The following SNCAIP variants were observed in gnomAD, a reference collection of about 807,000 sequenced individuals.
The protein encoded by SNCAIP is synuclein alpha interacting protein, also known as synphilin-1.
SNCAIP carries 43 observed loss-of-function variants against 86.7 expected under a neutral mutation model. The observed-to-expected ratio is 0.50, with a 90% CI of 0.39 to 0.64. The LOEUF (loss-of-function observed/expected upper bound fraction) is 0.64. Among genes scored for constraint, SNCAIP ranks in the 30% least tolerant of loss-of-function variants. The probability of loss-of-function intolerance (pLI) is 0.00; values close to 1 mark genes in which losing one functional copy is unlikely to be tolerated. For missense variants in SNCAIP, 981 were observed against 1,103.1 expected, an observed-to-expected ratio of 0.89 and a Z score of 1.57; for synonymous variants, 417 against 427.2, an observed-to-expected ratio of 0.98 and a Z score of 0.29.
rs1554105461 is a variant in SNCAIP, at chr5:122,420,586, T to TATATA, written c.131-2282_131-2281insATATA. 5.3e-3 allele frequency among the ~76,000 whole-genome samples: 735 copies of TATATA among 138,028 alleles called. 4 individuals are homozygous for TATATA. Among genetic ancestry groups the TATATA allele is most frequent in the African/African-American group, 0.017 (678 of 38,974 alleles). The allele number at this position is 138,028 out of a possible 152,430, so 90.6% of individuals were successfully genotyped here. A position where few individuals can be genotyped will look rare whatever the true frequency, so the allele number is the denominator to read the frequency against. On this transcript the variant is annotated intron_variant, in intron 3 of 10. Transcript: ENST00000261368. The stretch of plus-strand genomic sequence containing the variant: ...AGAAATGTCTATGAGTATATATATA[T>TATATA]TTTTTTTTCCATTTTATTTAAAGCC...
intron 7 of SNCAIP, chr5:122,443,971 G>T (rs1449784913): frequency 2.4e-6 from 1 of 415,854 alleles, no homozygotes; most frequent in Admixed American, 2.8e-5. Flanking sequence ...CTCACACAAA[G>T]CTTTCTTCTA....
At chr5:122,408,850 A>G (rs138577749) in intron 3 of SNCAIP, among the ~76,000 whole-genome samples, 16 of 152,314 alleles carry the variant, frequency 1.1e-4, no homozygotes, top group African/African-American at 3.8e-4. Flanking sequence ...TTTATCCTCA[A>G]AATAATTATC....
intron 1 of SNCAIP, among the ~76,000 whole-genome samples, chr5:122,369,299 T>A (rs1763811060): frequency 6.6e-6 from 1 of 152,248 alleles, no homozygotes; most frequent in African/African-American, 2.4e-5. Context: ...TCTCCTCCTC[T>A]GACCCAATGT....
At chr5:122,347,029 A>G (rs962631170) in intron 1 of SNCAIP, among the ~76,000 whole-genome samples, 1 of 152,030 alleles carries the variant, frequency 6.6e-6, no homozygotes, top group East Asian at 1.9e-4. Context: ...TAATTAAAAC[A>G]TCGTTGAGGC....
intron 2 of SNCAIP, among the ~76,000 whole-genome samples, chr5:122,400,628 G>T (rs907748125): frequency 2.0e-5 from 3 of 152,230 alleles, no homozygotes; most frequent in East Asian, 1.9e-4. Context: ...ATCAGCCAGG[G>T]CTTCATGGAG....
At chr5:122,420,585 A>ATATTT (rs1554105462) in intron 3 of SNCAIP, among the ~76,000 whole-genome samples, 4 of 151,368 alleles carry the variant, frequency 2.6e-5, no homozygotes, top group African/African-American at 4.9e-5. Context: ...GTATATATAT[A>ATATTT]TTTTTTTTTC....
At chr5:122,328,693 T>A (rs1305542176) in intron 1 of SNCAIP, among the ~76,000 whole-genome samples, 1 of 152,214 alleles carries the variant, frequency 6.6e-6, no homozygotes, top group African/African-American at 2.4e-5. Context: ...CTTTCTCAAA[T>A]TGATCACATC....
At chr5:122,347,412 T>C (rs1156353081) in intron 1 of SNCAIP, among the ~76,000 whole-genome samples, 1 of 142,522 alleles carries the variant, frequency 7.0e-6, no homozygotes, top group Non-Finnish European at 1.5e-5. Context: ...TTTTTTTTTT[T>C]CTTCTCTTGA....
intron 8 of SNCAIP, among the ~76,000 whole-genome samples, chr5:122,447,446 T>A (rs1285823933): frequency 1.3e-5 from 2 of 152,190 alleles, no homozygotes; most frequent in Non-Finnish European, 2.9e-5. Flanking sequence ...TAGTCTTCCT[T>A]CTCCATTCAT....
At position 122,388,277 on chromosome 5, in the gene SNCAIP, C is replaced by G. The variant is rs1194278692; in HGVS notation, c.-46-2812C>G. 2.0e-5 allele frequency among the ~76,000 whole-genome samples: 3 copies of G among 149,424 alleles called. No homozygotes were observed. The East Asian group carries it at 5.9e-4, about 29-fold the overall frequency. On this transcript the variant is annotated intron_variant, in intron 1 of 10. Coordinates refer to ENST00000261368, the MANE Select transcript of SNCAIP (RefSeq NM_005460.4). ...GCAACTGATTCAATTTTTTTTTTTTCTTTAACACTGTTGGGGTCAAACAAA... is the reference window on the plus strand; with the variant it reads ...GCAACTGATTCAATTTTTTTTTTTTGTTTAACACTGTTGGGGTCAAACAAA...
chr5:122,371,150 C>T (rs1363418742), intron 1 of SNCAIP, among the ~76,000 whole-genome samples: 1 of 151,234 alleles, frequency 6.6e-6, no homozygotes, highest in Non-Finnish European at 1.5e-5. Flanking sequence ...ACTGTCTCTA[C>T]AAAAAAAATT....
In SNCAIP at chr5:122,383,564, G is replaced by A. The variant is rs528711059; in HGVS notation, c.-46-7525G>A. 1.9e-5 allele frequency: 3 copies of A among 154,302 alleles called. No individual in the cohort carries two copies. The East Asian group carries it at 5.8e-4, about 30-fold the overall frequency. The allele number at this position is 154,302 out of a possible 1,614,324, so 9.6% of individuals were successfully genotyped here. A position where few individuals can be genotyped will look rare whatever the true frequency, so the allele number is the denominator to read the frequency against. On this transcript the variant is annotated intron_variant, in intron 1 of 10. Coordinates refer to ENST00000261368, the MANE Select transcript of SNCAIP (RefSeq NM_005460.4). ...TCCTATTCGGCCATCTTGGCTCCTC[G>A]AGAGATCAGATTTAAAGGTACATAA...
At chr5:122,433,112 AGTGTGTGTGTGT>A (rs34711914) in intron 6 of SNCAIP, among the ~76,000 whole-genome samples, 25 of 147,818 alleles carry the variant, frequency 1.7e-4, no homozygotes, top group Middle Eastern at 6.9e-3. Flanking sequence ...AACTTCTAGT[AGTGTGTGTGTGT>A]GTGTGTGTGT....
intron 1 of SNCAIP, among the ~76,000 whole-genome samples, chr5:122,380,489 C>G (rs368185575): frequency 1.6e-4 from 24 of 150,288 alleles, no homozygotes; most frequent in East Asian, 9.8e-4. Context: ...TTCAAAAAAC[C>G]AGCTCCTGAA....
chr5:122,430,738 A>T (rs944957655), intron 5 of SNCAIP, among the ~76,000 whole-genome samples: 2 of 93,034 alleles, frequency 2.1e-5, no homozygotes, highest in East Asian at 4.1e-4. Context: ...ATTATGAGAA[A>T]TTTTTTAAAA....
chr5:122,347,852 A>G (rs188934461), intron 1 of SNCAIP, among the ~76,000 whole-genome samples: 4 of 152,206 alleles, frequency 2.6e-5, no homozygotes, highest in Admixed American at 2.6e-4. Context: ...TGAATTTGGG[A>G]AACATTCATT....
chr5:122,315,616 C>T, intron 1 of SNCAIP, among the ~76,000 whole-genome samples: 1 of 152,138 alleles, frequency 6.6e-6, no homozygotes. Flanking sequence ...GTTAGGAGAG[C>T]ATATTGGAGC....
rs554490151 is a variant in SNCAIP, at chr5:122,414,441, G to A, written c.131-8427G>A. On this transcript the variant is annotated intron_variant, in intron 3 of 10. Coordinates refer to ENST00000261368, the MANE Select transcript of SNCAIP (RefSeq NM_005460.4). ...AGATGGGGTTTCACCATGTTGGCCA[G>A]GCTGGTCATGAACTCCTGACCTCAA... 3.9e-5 allele frequency among the ~76,000 whole-genome samples: 6 copies of A among 152,166 alleles called. No individual in the cohort carries two copies. In the South Asian group the frequency reaches 1.0e-3, roughly 26 times the overall value.
chr5:122,325,561 C>G (rs1044415701), intron 1 of SNCAIP, among the ~76,000 whole-genome samples: 1 of 152,156 alleles, frequency 6.6e-6, no homozygotes, highest in African/African-American at 2.4e-5. Context: ...TGCAAATGCC[C>G]TTTTTACTAA....
Sources: gnomAD v4.1 joint callset for allele counts (sites outside exome capture counted in the v4.1 genomes callset) on GRCh38, gnomAD v4.1.1 for gene constraint, MANE v1.5 for transcripts, NCBI Gene and HGNC (gene_info 2026-07-23, HGNC 2026-07-21) for gene names.